The following CACNA1C variants were observed in gnomAD, a reference collection of about 807,000 sequenced individuals.
CACNA1C encodes the protein calcium voltage-gated channel subunit alpha1 C.
In CACNA1C, 30 loss-of-function variants were observed where a neutral mutation model predicts 229.0. The observed-to-expected ratio is 0.13, with a 90% CI of 0.10 to 0.18. The LOEUF (loss-of-function observed/expected upper bound fraction) is 0.18, where lower values mean the gene tolerates loss of function less well. Ranked by LOEUF, CACNA1C falls within the 10% of genes least tolerant of loss-of-function variation. The probability of loss-of-function intolerance (pLI) is 1.00; values close to 1 mark genes in which losing one functional copy is unlikely to be tolerated. For synonymous variants in CACNA1C, 1,114 were observed against 1,132.5 expected (o/e 0.98, Z 0.33); for missense variants, 1,658 against 2,845.0 (o/e 0.58, Z 9.49).
chr12:2,586,893 GC>G (rs1428195520), intron 18 of CACNA1C, among the ~76,000 whole-genome samples: 1 of 152,210 alleles, frequency 6.6e-6, no homozygotes, highest in African/African-American at 2.4e-5. Context: ...GTTTTCATAT[GC>G]CCGGCATTAA....
intron 3 of CACNA1C, among the ~76,000 whole-genome samples, chr12:2,132,575 G>C (rs1353494742): frequency 2.5e-5 from 1 of 40,144 alleles, no homozygotes; most frequent in Admixed American, 2.6e-4. Flanking sequence ...TGTGGTTTTT[G>C]TCTTTGGTTC....
At chr12:2,076,486 G>A (rs981392434) in intron 1 of CACNA1C, among the ~76,000 whole-genome samples, 9 of 151,322 alleles carry the variant, frequency 5.9e-5, no homozygotes, top group South Asian at 2.1e-4. Context: ...TCCTTCCCTC[G>A]CCTCACTCCC....
At chr12:2,329,915 G>A (rs1231158990) in intron 3 of CACNA1C, among the ~76,000 whole-genome samples, 1 of 152,194 alleles carries the variant, frequency 6.6e-6, no homozygotes, top group East Asian at 1.9e-4. Flanking sequence ...GAGGATTAGA[G>A]GTCTGTTGCT....
chr12:2,089,405 C>G (rs1289545263), intron 1 of CACNA1C, among the ~76,000 whole-genome samples: 1 of 152,174 alleles, frequency 6.6e-6, no homozygotes, highest in Non-Finnish European at 1.5e-5. Context: ...TGTAAAGCAC[C>G]ATGCTGGACG....
intron 20 of CACNA1C, among the ~76,000 whole-genome samples, chr12:2,596,883 G>A (rs939551079): frequency 2.0e-5 from 3 of 152,190 alleles, no homozygotes; most frequent in Non-Finnish European, 2.9e-5. Context: ...AAGTATCTTA[G>A]TGGTCTGATT....
intron 1 of CACNA1C, chr12:1,992,572 C>T: frequency 6.5e-6 from 1 of 154,896 alleles, no homozygotes; most frequent in Non-Finnish European, 1.4e-5. Flanking sequence ...TAGAGATGTC[C>T]CTGCAACTGG....
In CACNA1C at chr12:2,584,597, G is replaced by A; in HGVS notation, c.2319G>A (p.Lys773=). The A allele has an allele frequency of 3.7e-6, 6 of 1,612,996 alleles. No individual in the cohort carries two copies. Among genetic ancestry groups the A allele is most frequent in the Non-Finnish European group, 3.4e-6 (4 of 1,179,252 alleles). Reference sequence around the variant, plus strand: ...CCCAAAAGGAGGAGGAAGAGGAGAAGGAGAGAAAGAAGCTGGCCAGGTAAC... The same window carrying A: ...CCCAAAAGGAGGAGGAAGAGGAGAAAGAGAGAAAGAAGCTGGCCAGGTAAC... ...TSAQKEEEEE[K]ERKKLARTAS... is the part of the protein sequence containing the mutation. The change falls in exon 16 of 47, where the codon AAG becomes AAA. Residue 773 remains lysine, a synonymous_variant. Transcript: ENST00000399655.
At chr12:2,673,244 G>A (rs1172974056) in intron 38 of CACNA1C, among the ~76,000 whole-genome samples, 5 of 152,026 alleles carry the variant, frequency 3.3e-5, no homozygotes, top group Admixed American at 6.5e-5. Flanking sequence ...GGGAGGCTGA[G>A]GCAGGTAGAT....
intron 3 of CACNA1C, among the ~76,000 whole-genome samples, chr12:2,240,291 G>A (rs2069383024): frequency 1.3e-5 from 2 of 152,192 alleles, no homozygotes; most frequent in African/African-American, 2.4e-5. Context: ...GTGGATGCTG[G>A]TTGCAGACAT....
At chr12:2,127,888 GC>G (rs2090747293) in intron 3 of CACNA1C, among the ~76,000 whole-genome samples, 1 of 152,128 alleles carries the variant, frequency 6.6e-6, no homozygotes, top group African/African-American at 2.4e-5. Context: ...CATTGTAATT[GC>G]CTTTATTGAG....
intron 3 of CACNA1C, among the ~76,000 whole-genome samples, chr12:2,431,577 G>C (rs1399233915): frequency 1.3e-5 from 2 of 152,146 alleles, no homozygotes; most frequent in African/African-American, 2.4e-5. Flanking sequence ...CGCCAGCCTG[G>C]TACCAGGCAG....
At chr12:1,988,767 G>T (rs1459241304) in intron 1 of CACNA1C, among the ~76,000 whole-genome samples, 2 of 152,230 alleles carry the variant, frequency 1.3e-5, no homozygotes, top group East Asian at 3.9e-4. Flanking sequence ...GAAGATGGGG[G>T]CTACCTGTAA....
chr12:2,191,686 A>G (rs777201174), intron 3 of CACNA1C, among the ~76,000 whole-genome samples: 1 of 151,812 alleles, frequency 6.6e-6, no homozygotes, highest in Non-Finnish European at 1.5e-5. Flanking sequence ...GCACACACGT[A>G]CACCCAGGCA....
chr12:2,672,295 C>T (rs183216048), intron 38 of CACNA1C: 1 of 152,190 alleles, frequency 6.6e-6, no homozygotes, highest in African/African-American at 2.4e-5. Context: ...TGACATGAAA[C>T]AATTGTCGGT....
intron 3 of CACNA1C, among the ~76,000 whole-genome samples, chr12:2,329,258 G>C (rs1465667532): frequency 6.6e-6 from 1 of 152,138 alleles, no homozygotes; most frequent in Non-Finnish European, 1.5e-5. Context: ...CTTTGGAATG[G>C]TTTTGATTAG....
At position 2,354,027 on chromosome 12, in the gene CACNA1C, G is replaced by C. The variant is rs1006693856; in HGVS notation, c.478-94949G>C. ...CAGGTTAGAGGAAGGAGAATCTGGAGACAAATGCCTGCCCAGCGACCACTG... is the reference window on the plus strand; with the variant it reads ...CAGGTTAGAGGAAGGAGAATCTGGACACAAATGCCTGCCCAGCGACCACTG... On this transcript the variant is annotated intron_variant, in intron 3 of 46. Coordinates refer to ENST00000399655, the MANE Select transcript of CACNA1C (RefSeq NM_000719.7). This position sits in a 1 kb window ranked among gnomAD's most constrained non-coding sequence, Gnocchi z 4.6. Among the ~76,000 whole-genome samples, 2 of 152,212 alleles carry C rather than the reference G, an allele frequency of 1.3e-5. No individual in the cohort carries two copies. The highest frequency in any genetic ancestry group is 4.8e-5 in the African/African-American group (2 of 41,450).
rs2048795230 is a variant in CACNA1C, at chr12:2,034,719, A to C, written c.139+63518A>C. Among the ~76,000 whole-genome samples the C allele has an allele frequency of 2.0e-5, 3 of 152,210 alleles. No homozygotes were observed. The South Asian group carries it at 6.2e-4, about 32-fold the overall frequency. ...TAGTTTCCCATTCATGTATGTACTC[A>C]CTTCTTCAAAAAACACCTTTCGGAG... On this transcript the variant is annotated intron_variant, in intron 1 of 46. Coordinates refer to the CACNA1C transcript ENST00000682462. The surrounding 1 kb of genome is among the most constrained non-coding windows in gnomAD (Gnocchi z 4.1).
chr12:2,320,753 T>C (rs2095944549), intron 3 of CACNA1C, among the ~76,000 whole-genome samples: 1 of 152,090 alleles, frequency 6.6e-6, no homozygotes, highest in Non-Finnish European at 1.5e-5. Context: ...CAAGAAAAGC[T>C]CTCTATTAAA....
intron 39 of CACNA1C, among the ~76,000 whole-genome samples, chr12:2,675,443 G>A (rs1172749619): frequency 1.3e-5 from 2 of 152,104 alleles, no homozygotes; most frequent in East Asian, 3.8e-4. Context: ...TATTAAATAA[G>A]TGTGTGTATA....
Sources: allele counts gnomAD v4.1 joint callset (sites outside exome capture counted in the v4.1 genomes callset), GRCh38; gene constraint gnomAD v4.1.1; non-coding constraint Gnocchi (gnomAD v3.1); transcripts MANE v1.5; gene names NCBI Gene and HGNC (gene_info 2026-07-23, HGNC 2026-07-21).